Variants in TXNDC11 observed in about 807,000 individuals in gnomAD.
TXNDC11 encodes the protein thioredoxin domain containing 11, also known as thioredoxin domain-containing protein 11.
In TXNDC11, 68 loss-of-function variants were observed where a neutral mutation model predicts 78.0. The observed-to-expected ratio is 0.87, with a 90% confidence interval of 0.72 to 1.07. The LOEUF (loss-of-function observed/expected upper bound fraction) is 1.07. TXNDC11 is among the 50% of genes least tolerant of loss of function. The probability of loss-of-function intolerance (pLI) is 0.00; values close to 1 mark genes in which losing one functional copy is unlikely to be tolerated. For synonymous variants in TXNDC11, 571 were observed against 495.2 expected, an observed-to-expected ratio of 1.15 and a Z score of -2.03; for missense variants, 1,389 against 1,221.8, an observed-to-expected ratio of 1.14 and a Z score of -2.04.
rs142300268 is a variant in TXNDC11, at chr16:11,730,710, C to T, written c.634G>A (p.Val212Met). The T allele has an allele frequency of 6.2e-7, 1 of 1,613,694 alleles. No homozygotes were observed. Among genetic ancestry groups the T allele is most frequent in the Non-Finnish European group, 8.5e-7 (1 of 1,179,756 alleles). ...AVYIEKFVRR[V>M]MKPLLYIPSQ... Reference sequence around the variant, plus strand: ...GGGATGTAGAGAAGTGGTTTCATCACCCGGCGGACAAACTTCTCAATGTAA... The same window carrying T: ...GGGATGTAGAGAAGTGGTTTCATCATCCGGCGGACAAACTTCTCAATGTAA... The change falls in exon 4 of 12, where the codon GTG (valine) becomes ATG (methionine). Residue 212 changes from valine to methionine, a missense_variant. Physicochemically the swap from Val to Met is conservative, Grantham distance 21 (BLOSUM62 1). Transcript: ENST00000283033.
chr16:11,722,396 T>C (rs2051735028), intron 4 of TXNDC11, among the ~76,000 whole-genome samples: 1 of 152,260 alleles, frequency 6.6e-6, no homozygotes, highest in Non-Finnish European at 1.5e-5. Context: ...ACCAGATATG[T>C]TCTGCCTTCC....
intron 5 of TXNDC11, among the ~76,000 whole-genome samples, chr16:11,710,336 C>T (rs568112186): frequency 1.6e-4 from 25 of 151,658 alleles, no homozygotes; most frequent in Admixed American, 1.2e-3. Flanking sequence ...GTCTCTGTCA[C>T]GTTCTCTTTT....
At chr16:11,709,735 G>A (rs935186475) in intron 5 of TXNDC11, among the ~76,000 whole-genome samples, 2 of 152,058 alleles carry the variant, frequency 1.3e-5, no homozygotes, top group African/African-American at 4.8e-5. Flanking sequence ...GCGCCTGGCA[G>A]CTGTGATTCT....
Position 11,742,600 on chromosome 16 carries a change from G to A in TXNDC11, c.131C>T (p.Ser44Leu), listed in dbSNP as rs1341779770. ...CAGCCCGCGACGGAGCCGGCCCGCC[G>A]AGGACGCTGTGGCCAGGGTCGGGCT... is the stretch of plus-strand genomic sequence containing the variant. ...SSSPTLATASSAGRLRRGLRG... is the reference protein window; with the variant it reads ...SSSPTLATASLAGRLRRGLRG... Residue 44 changes from serine to leucine, a missense_variant, in exon 1 of 12, where the codon TCG becomes TTG. By Grantham distance (145) the Ser-to-Leu change is moderately radical. Transcript: ENST00000283033. The A allele has an allele frequency of 2.1e-6, 3 of 1,459,080 alleles. No individual in the cohort carries two copies. The Admixed American group carries it at 7.5e-5, about 37-fold the overall frequency. 90.4% of individuals were successfully genotyped at this position (1,459,080 alleles called of 1,614,324 possible).
intron 8 of TXNDC11, chr16:11,690,987 C>A (rs771758584): frequency 2.1e-5 from 8 of 378,364 alleles, no homozygotes; most frequent in Non-Finnish European, 3.4e-5. Context: ...TCCCCACTGC[C>A]TGCAGCTGGT....
At chr16:11,735,979 GAC>G in intron 2 of TXNDC11, 36 bp downstream of exon 2, 1 of 1,597,078 alleles carries the variant, frequency 6.3e-7, no homozygotes, top group Non-Finnish European at 8.6e-7. Context: ...ATATAGGACT[GAC>G]AGTCATTTGA....
intron 6 of TXNDC11, among the ~76,000 whole-genome samples, chr16:11,699,666 C>A (rs191930623): frequency 0.01 from 1,565 of 152,372 alleles, 17 homozygotes; most frequent in Non-Finnish European, 0.017. Flanking sequence ...CTGGAGTGGG[C>A]CCAACAGCCC....
intron 10 of TXNDC11, among the ~76,000 whole-genome samples, chr16:11,687,183 T>G (rs1171974268): frequency 6.6e-6 from 1 of 152,220 alleles, no homozygotes; most frequent in Non-Finnish European, 1.5e-5. Context: ...CTGCTTCCAC[T>G]TTGGAAAGTT....
chr16:11,738,714 G>T (rs1411408533), intron 1 of TXNDC11, among the ~76,000 whole-genome samples: 2 of 151,990 alleles, frequency 1.3e-5, no homozygotes, highest in Non-Finnish European at 2.9e-5. Flanking sequence ...GCTCTTTGGA[G>T]AAATTACTTT....
At chr16:11,725,362 A>G (rs947688444) in intron 4 of TXNDC11, among the ~76,000 whole-genome samples, 1 of 152,156 alleles carries the variant, frequency 6.6e-6, no homozygotes, top group African/African-American at 2.4e-5. Context: ...CATTTAGAAA[A>G]AAAAAAAAGC....
At position 11,742,787 on chromosome 16, in the gene TXNDC11, C is replaced by G. The variant is rs959833855; in HGVS notation, c.-57G>C. 5.0e-6 allele frequency: 7 copies of G among 1,397,406 alleles called. No homozygotes were observed. The highest frequency in any genetic ancestry group is 6.5e-6 in the Non-Finnish European group (7 of 1,081,326). The allele number at this position is 1,397,406 out of a possible 1,614,324, so 86.6% of individuals were successfully genotyped here. ...CGCCGCCGCCTCGGGCCCGAAGGCCCGGCCCGGCCCGTTGCTCCCCAATCC... is the reference window on the plus strand; with the variant it reads ...CGCCGCCGCCTCGGGCCCGAAGGCCGGGCCCGGCCCGTTGCTCCCCAATCC... On this transcript the variant is annotated 5_prime_UTR_variant, in exon 1 of 12. Transcript: ENST00000283033.
intron 5 of TXNDC11, among the ~76,000 whole-genome samples, chr16:11,718,114 G>A (rs1017664535): frequency 7.2e-5 from 11 of 152,324 alleles, no homozygotes; most frequent in Non-Finnish European, 1.5e-4. Flanking sequence ...AGCCTCGCAT[G>A]CTGGGGGCCA....
chr16:11,710,274 C>T (rs2051311122), intron 5 of TXNDC11, among the ~76,000 whole-genome samples: 1 of 152,110 alleles, frequency 6.6e-6, no homozygotes, highest in South Asian at 2.1e-4. Flanking sequence ...AAACCTCCTC[C>T]ACCCCATTTC....
chr16:11,698,211 G>A lies in TXNDC11; in HGVS notation c.1021C>T (p.Leu341=), dbSNP rs771958605. 1.2e-5 allele frequency: 20 copies of A among 1,614,132 alleles called. No individual in the cohort carries two copies. The highest frequency in any genetic ancestry group is 1.4e-5 in the Non-Finnish European group (16 of 1,180,052). The part of the protein sequence containing the change: ...LRPHGGKSLL[L]NNELKKGPAL... ...GGTCCTTTCTTCAGCTCGTTATTCA[G>A]CAGGAGACTCTTGCCTCCGTGTGGC... The change falls in exon 7 of 12, where the codon CTG becomes TTG. Residue 341 remains leucine, a synonymous_variant. Transcript: ENST00000283033.
intron 3 of TXNDC11, among the ~76,000 whole-genome samples, chr16:11,731,327 G>A (rs1567347574): frequency 6.6e-6 from 1 of 152,182 alleles, no homozygotes; most frequent in Non-Finnish European, 1.5e-5. Flanking sequence ...TTATGTGAAG[G>A]TCTGAAGTCA....
At chr16:11,721,091 C>A (rs1339982567) in intron 5 of TXNDC11, among the ~76,000 whole-genome samples, 2 of 151,796 alleles carry the variant, frequency 1.3e-5, no homozygotes, top group African/African-American at 2.4e-5. Flanking sequence ...ATATGTGAAA[C>A]AGAACAGTAT....
In TXNDC11 at chr16:11,742,834, A is replaced by G; in HGVS notation, c.-104T>C. 4.5e-6 allele frequency: 6 copies of G among 1,347,884 alleles called. No homozygotes were observed. Among genetic ancestry groups the G allele is most frequent in the African/African-American group, 1.5e-5 (1 of 65,138 alleles). The allele number at this position is 1,347,884 out of a possible 1,614,324, so 83.5% of individuals were successfully genotyped here. On this transcript the variant is annotated 5_prime_UTR_variant, in exon 1 of 12. Transcript: ENST00000283033. Reference sequence around the variant, plus strand: ...ATCCCGCAGCTCGCCGCACCCGCTAACCCGGACGCTCCACGTCAGCCGCGC... The same window carrying G: ...ATCCCGCAGCTCGCCGCACCCGCTAGCCCGGACGCTCCACGTCAGCCGCGC...
rs769600195 is a variant in TXNDC11, at chr16:11,688,451, A to T, written c.1901-6T>A. Reference sequence around the variant, plus strand: ...GAAGTTTTGAATAAAAGACTCTAAAAATAAAGAGAAAATGAGATCAACTCT... The same window carrying T: ...GAAGTTTTGAATAAAAGACTCTAAATATAAAGAGAAAATGAGATCAACTCT... On this transcript the variant is annotated splice_polypyrimidine_tract_variant and splice_region_variant and intron_variant, in intron 8 of 11. Coordinates refer to ENST00000283033, the MANE Select transcript of TXNDC11 (RefSeq NM_015914.7). The T allele has an allele frequency of 6.3e-7, 1 of 1,597,520 alleles. No homozygotes were observed. The highest frequency in any genetic ancestry group is 8.5e-7 in the Non-Finnish European group (1 of 1,171,702).
At chr16:11,731,959 G>A (rs986044185) in intron 3 of TXNDC11, among the ~76,000 whole-genome samples, 1 of 151,062 alleles carries the variant, frequency 6.6e-6, no homozygotes, top group African/African-American at 2.5e-5. Flanking sequence ...AACTTATTTT[G>A]TTCCAGAAAA....
Sources: allele counts gnomAD v4.1 joint callset (sites outside exome capture counted in the v4.1 genomes callset), GRCh38; gene constraint gnomAD v4.1.1; transcripts MANE v1.5; gene names NCBI Gene and HGNC (gene_info 2026-07-23, HGNC 2026-07-21).